The following ZNF69 variants were observed in gnomAD, a reference collection of about 807,000 sequenced individuals.
ZNF69 encodes the protein ZNF3.
A neutral mutation model predicts 50.9 loss-of-function variants in ZNF69; 47 were observed. The ratio of observed to expected loss-of-function variants is 0.92; its 90% CI spans 0.73 to 1.18. The LOEUF is 1.18. Ranked by LOEUF, ZNF69 falls within the 50% of genes most tolerant of loss-of-function variation. The pLI is 0.00. For missense variants in ZNF69, 717 were observed against 675.1 expected (o/e 1.06, Z -0.69); for synonymous variants, 216 against 223.1 (o/e 0.97, Z 0.29).
the ZNF69 span, chr19:11,949,739 C>A: frequency 6.2e-7 from 1 of 1,613,964 alleles, no homozygotes; most frequent in Non-Finnish European, 8.5e-7. Flanking sequence ...TGTGGGAAAG[C>A]CTTCAGATCT....
At chr19:11,890,452 A>C (rs1977057988) in intron 1 of ZNF69, among the ~76,000 whole-genome samples, 1 of 152,216 alleles carries the variant, frequency 6.6e-6, no homozygotes, top group African/African-American at 2.4e-5. Flanking sequence ...TCAATACAGC[A>C]CAGGTTTCTG....
the ZNF69 span, among the ~76,000 whole-genome samples, chr19:11,957,143 G>A: frequency 6.6e-6 from 1 of 150,394 alleles, no homozygotes; most frequent in South Asian, 2.1e-4. Context: ...CCAGGCTGGA[G>A]TGCAGTGGCA....
intron 1 of ZNF69, among the ~76,000 whole-genome samples, chr19:11,898,828 T>G (rs1248223096): frequency 6.6e-6 from 1 of 152,188 alleles, no homozygotes; most frequent in Non-Finnish European, 1.5e-5. Flanking sequence ...AGCAAGACCC[T>G]GTTTCAAAGA....
At position 11,887,954 on chromosome 19, in the gene ZNF69, G is replaced by A. The variant is rs762682711; in HGVS notation, c.31G>A (p.Glu11Lys). Residue 11 changes from glutamate (E) to lysine (K), a missense_variant, in exon 1 of 4, where the codon GAG becomes AAG. Physicochemically the swap from Glu to Lys is moderately conservative, Grantham distance 56. Coordinates refer to ENST00000429654, the MANE Select transcript of ZNF69 (RefSeq NM_001364730.1). ...CTGCTGTAGTCACAGGAGGTGTAGA[G>A]AGGACCCCGGGACATCTGAAAGCCA... MPCCSHRRCR[E>K]DPGTSESQEM... 1 of 1,612,704 alleles carries A rather than the reference G, an allele frequency of 6.2e-7. No individual in the cohort carries two copies. Among genetic ancestry groups the A allele is most frequent in the Non-Finnish European group, 8.5e-7 (1 of 1,179,082 alleles).
chr19:11,904,253 T>A (rs541227486), intron 3 of ZNF69, among the ~76,000 whole-genome samples: 1 of 152,226 alleles, frequency 6.6e-6, no homozygotes, highest in South Asian at 2.1e-4. Context: ...TAGCTGGGCA[T>A]TGTGGTCTGT....
At chr19:11,970,317 T>C in the ZNF69 span, among the ~76,000 whole-genome samples, 2 of 152,332 alleles carry the variant, frequency 1.3e-5, no homozygotes, top group Admixed American at 6.5e-5. Flanking sequence ...GTCACCAGAA[T>C]GCAGCTGAGT....
At chr19:11,972,155 T>C in the ZNF69 span, among the ~76,000 whole-genome samples, 2 of 151,940 alleles carry the variant, frequency 1.3e-5, no homozygotes, top group African/African-American at 4.8e-5. Flanking sequence ...CATGGTGATG[T>C]GTACCTGTAG....
At chr19:11,925,268 G>A in the ZNF69 span, 5 of 1,612,364 alleles carry the variant, frequency 3.1e-6, no homozygotes, top group South Asian at 5.5e-5. Context: ...TGAAAGCCGG[G>A]AAATGGTGCG....
rs751764568 is a variant in ZNF69, at chr19:11,905,746, G to GA, written c.1349_1350insA (p.Lys451GlufsTer13). The GA allele has an allele frequency of 1.2e-6, 2 of 1,612,874 alleles. No individual in the cohort carries two copies. Among genetic ancestry groups the GA allele is most frequent in the South Asian group, 2.2e-5 (2 of 91,022 alleles). ...AAGCCCTATGAATGTCAGGAATGTGGGAAAGCCTTCAGATCTATGAAGAAC... is the reference window on the plus strand; with the variant it reads ...AAGCCCTATGAATGTCAGGAATGTGGAGAAAGCCTTCAGATCTATGAAGAAC... On this transcript the variant is annotated frameshift_variant, in exon 4 of 4. Transcript: ENST00000429654. LOFTEE classifies it high-confidence loss of function.
the ZNF69 span, chr19:11,949,560 A>G: frequency 1.2e-6 from 2 of 1,612,082 alleles, no homozygotes; most frequent in Non-Finnish European, 1.7e-6. Flanking sequence ...AATGTAGTAT[A>G]TGTGAGAAAG....
At chr19:11,919,430 C>T in the ZNF69 span, among the ~76,000 whole-genome samples, 1 of 152,010 alleles carries the variant, frequency 6.6e-6, no homozygotes, top group East Asian at 1.9e-4. Flanking sequence ...CTTCTGTTTA[C>T]CCCTTGGCGT....
downstream of ZNF69, chr19:11,914,339 C>T (rs1380381123): frequency 6.6e-6 from 1 of 151,854 alleles, no homozygotes; most frequent in Non-Finnish European, 1.5e-5. Flanking sequence ...ATGACTTGGA[C>T]TTGTGGTGAG....
At chr19:11,976,689 A>G in the ZNF69 span, 2 of 254,288 alleles carry the variant, frequency 7.9e-6, no homozygotes, top group Non-Finnish European at 1.4e-5. Flanking sequence ...CAACATGGAG[A>G]AACCCTGTCT....
At chr19:11,891,765 C>T (rs1288744619) in intron 1 of ZNF69, among the ~76,000 whole-genome samples, 1 of 152,148 alleles carries the variant, frequency 6.6e-6, no homozygotes, top group Non-Finnish European at 1.5e-5. Context: ...TTGCAGGCAT[C>T]TTCAGGCTGT....
At chr19:11,927,644 G>A in the ZNF69 span, among the ~76,000 whole-genome samples, 1 of 152,082 alleles carries the variant, frequency 6.6e-6, no homozygotes, top group Non-Finnish European at 1.5e-5. Flanking sequence ...TTACTCTGTT[G>A]ATTTAAAGAA....
chr19:11,953,831 C>CA, the ZNF69 span, among the ~76,000 whole-genome samples: 1 of 152,118 alleles, frequency 6.6e-6, no homozygotes, highest in South Asian at 2.1e-4. Flanking sequence ...CAATGTGTAA[C>CA]AGAGAAAATG....
At chr19:11,896,217 TAAA>T (rs138289885) in intron 1 of ZNF69, among the ~76,000 whole-genome samples, 5 of 63,872 alleles carry the variant, frequency 7.8e-5, no homozygotes, top group Admixed American at 2.1e-4. Flanking sequence ...GAAACTCCAT[TAAA>T]AAAAAAAAAA....
At chr19:11,976,761 G>A in the ZNF69 span, 1 of 670,430 alleles carries the variant, frequency 1.5e-6, no homozygotes, top group African/African-American at 1.9e-5. Context: ...AGCTACTCGG[G>A]AGGCTGAGGC....
chr19:11,904,037 A>G, intron 3 of ZNF69, 72 bp downstream of exon 3: 1 of 1,512,418 alleles, frequency 6.6e-7, no homozygotes, highest in Non-Finnish European at 9.0e-7. Context: ...ATTAAAAATA[A>G]GTAAAAGAAC....
Sources: gnomAD v4.1 joint callset for allele counts (sites outside exome capture counted in the v4.1 genomes callset) on GRCh38, gnomAD v4.1.1 for gene constraint, MANE v1.5 for transcripts, NCBI Gene and HGNC (gene_info 2026-07-23, HGNC 2026-07-21) for gene names.